Variants in LDLRAD4 observed in about 807,000 individuals in gnomAD.
LDLRAD4 encodes the protein low-density lipoprotein receptor class A domain-containing protein 4.
LDLRAD4 carries 5 observed loss-of-function variants against 17.0 expected under a neutral mutation model. The observed-to-expected ratio is 0.29, with a 90% confidence interval of 0.15 to 0.62. The LOEUF (loss-of-function observed/expected upper bound fraction) is 0.62. LDLRAD4 is among the 20% of genes least tolerant of loss of function. The pLI is 0.84. For synonymous variants in LDLRAD4, 168 were observed against 171.8 expected, an observed-to-expected ratio of 0.98 and a Z score of 0.17; for missense variants, 340 against 424.7, an observed-to-expected ratio of 0.80 and a Z score of 1.75.
intron 4 of LDLRAD4, among the ~76,000 whole-genome samples, chr18:13,639,152 A>G (rs1441485129): frequency 5.9e-5 from 9 of 152,264 alleles, no homozygotes; most frequent in Admixed American, 5.9e-4. Context: ...CAATGTAAGC[A>G]TTAGCCAAGA....
At chr18:13,536,687 G>T (rs922601322) in intron 3 of LDLRAD4, among the ~76,000 whole-genome samples, 3 of 151,738 alleles carry the variant, frequency 2.0e-5, no homozygotes, top group Non-Finnish European at 4.4e-5. Context: ...AATAGGACAT[G>T]CTTACTCTGT....
chr18:13,242,848 T>C (rs967880920), intron 1 of LDLRAD4, among the ~76,000 whole-genome samples: 1 of 152,250 alleles, frequency 6.6e-6, no homozygotes, highest in Non-Finnish European at 1.5e-5. Context: ...GCTTTGGCCT[T>C]TCAGGCAGCT....
intron 1 of LDLRAD4, among the ~76,000 whole-genome samples, chr18:13,323,696 A>G (rs1334608895): frequency 6.6e-6 from 1 of 152,240 alleles, no homozygotes; most frequent in Non-Finnish European, 1.5e-5. Flanking sequence ...CTATTGTTCA[A>G]TATATATAAG....
intron 3 of LDLRAD4, among the ~76,000 whole-genome samples, chr18:13,498,511 A>T (rs1445168915): frequency 1.7e-5 from 2 of 114,312 alleles, no homozygotes; most frequent in East Asian, 6.1e-4. Context: ...ATCCTTCTTG[A>T]CACACGTGTC....
At chr18:13,389,873 T>G (rs1262225792) in intron 2 of LDLRAD4, among the ~76,000 whole-genome samples, 1 of 152,198 alleles carries the variant, frequency 6.6e-6, no homozygotes, top group African/African-American at 2.4e-5. Context: ...ACAGTACCTC[T>G]CACATATTAA....
intron 1 of LDLRAD4, among the ~76,000 whole-genome samples, chr18:13,223,850 A>C (rs911068899): frequency 2.0e-5 from 3 of 152,204 alleles, no homozygotes; most frequent in Non-Finnish European, 1.5e-5. Context: ...CATTGCCCAG[A>C]GTCACCAACT....
At chr18:13,384,853 A>T (rs549297047) in intron 1 of LDLRAD4, among the ~76,000 whole-genome samples, 1 of 152,338 alleles carries the variant, frequency 6.6e-6, no homozygotes, top group Admixed American at 6.5e-5. Context: ...TCCATTGTGT[A>T]TGCATACCAT....
At chr18:13,635,218 C>T (rs1180370062) in intron 4 of LDLRAD4, among the ~76,000 whole-genome samples, 2 of 152,174 alleles carry the variant, frequency 1.3e-5, no homozygotes, top group African/African-American at 4.8e-5. Context: ...TGAGAGACCA[C>T]AGTGCCAGCA....
chr18:13,377,643 A>G (rs2085022800), intron 1 of LDLRAD4, among the ~76,000 whole-genome samples: 1 of 152,224 alleles, frequency 6.6e-6, no homozygotes, highest in African/African-American at 2.4e-5. Context: ...TCCTCTCTCC[A>G]GAGGAAAGTG....
chr18:13,598,564 C>G (rs1380320706), intron 3 of LDLRAD4, among the ~76,000 whole-genome samples: 1 of 152,240 alleles, frequency 6.6e-6, no homozygotes, highest in African/African-American at 2.4e-5. Context: ...TTAACTGTCT[C>G]TTTCTCTGAT....
At chr18:13,368,022 C>G (rs1198546470) in intron 1 of LDLRAD4, among the ~76,000 whole-genome samples, 1 of 152,076 alleles carries the variant, frequency 6.6e-6, no homozygotes, top group African/African-American at 2.4e-5. Context: ...ACCTGAGACC[C>G]TGTCTCATAA....
intron 4 of LDLRAD4, chr18:13,642,720 G>T (rs906013249): frequency 1.1e-5 from 14 of 1,231,598 alleles, no homozygotes; most frequent in African/African-American, 1.5e-5. Context: ...CACTGAATGC[G>T]GTTGGACAGT....
In LDLRAD4 at chr18:13,225,867, A is replaced by C. The variant is rs181206968; in HGVS notation, c.-467+6879A>C. Among the ~76,000 whole-genome samples, 177 of 152,244 alleles carry C rather than the reference A, an allele frequency of 1.2e-3. 1 individual carries two copies. The highest frequency in any genetic ancestry group is 1.5e-3 in the Non-Finnish European group (100 of 68,012). ...GATTTAAATATTCTCCAAAAATCCT[A>C]CTTCTAGATTGTATAATATTCTATT... On this transcript the variant is annotated intron_variant, in intron 1 of 5. Coordinates refer to the LDLRAD4 transcript ENST00000399848.
intron 3 of LDLRAD4, among the ~76,000 whole-genome samples, chr18:13,545,269 C>A (rs1202436019): frequency 6.6e-6 from 1 of 152,166 alleles, no homozygotes; most frequent in East Asian, 1.9e-4. Flanking sequence ...CATCATTGAG[C>A]TGCGCACGTT....
chr18:13,634,778 A>G (rs2041947597), intron 4 of LDLRAD4, among the ~76,000 whole-genome samples: 1 of 152,102 alleles, frequency 6.6e-6, no homozygotes, highest in South Asian at 2.1e-4. Context: ...AATCTCAAAA[A>G]AAAAAAAAAA....
chr18:13,510,686 T>A (rs2093763865), intron 3 of LDLRAD4, among the ~76,000 whole-genome samples: 1 of 152,142 alleles, frequency 6.6e-6, no homozygotes, highest in Non-Finnish European at 1.5e-5. Context: ...AAATCATCTT[T>A]AAAAATATGA....
chr18:13,644,002 A>C (rs1440856960), intron 5 of LDLRAD4, among the ~76,000 whole-genome samples: 2 of 152,362 alleles, frequency 1.3e-5, no homozygotes, highest in Non-Finnish European at 2.9e-5. Flanking sequence ...GAAATGTACT[A>C]CCTGGATTCA....
At chr18:13,553,807 T>A (rs899215462) in intron 3 of LDLRAD4, among the ~76,000 whole-genome samples, 8 of 152,170 alleles carry the variant, frequency 5.3e-5, no homozygotes, top group African/African-American at 1.9e-4. Flanking sequence ...CCTTTACTGT[T>A]CATACATGAA....
chr18:13,512,249 G>A (rs1358771175), intron 3 of LDLRAD4, among the ~76,000 whole-genome samples: 1 of 152,162 alleles, frequency 6.6e-6, no homozygotes, highest in Non-Finnish European at 1.5e-5. Context: ...GTGGCATGAA[G>A]TACCTGACTG....
Sources: allele counts gnomAD v4.1 joint callset (sites outside exome capture counted in the v4.1 genomes callset), GRCh38; gene constraint gnomAD v4.1.1; transcripts MANE v1.5; gene names NCBI Gene and HGNC (gene_info 2026-07-23, HGNC 2026-07-21).